MIA3: variants seen among roughly 807,000 people sequenced by gnomAD.
MIA3 encodes the protein transport and Golgi organization protein 1 homolog.
MIA3 carries 90 observed loss-of-function variants against 192.4 expected under a neutral mutation model. That is an observed-to-expected ratio of 0.47 (90% CI 0.39 to 0.56). The LOEUF (loss-of-function observed/expected upper bound fraction) is 0.56, where lower values mean the gene tolerates loss of function less well. MIA3 is among the 20% of genes least tolerant of loss of function. MIA3 has a pLI of 0.00. For missense variants in MIA3, 2,123 were observed against 2,269.4 expected, an observed-to-expected ratio of 0.94 and a Z score of 1.31; for synonymous variants, 740 against 792.8, an observed-to-expected ratio of 0.93 and a Z score of 1.12.
At chr1:222,665,224 A>AAT in intron 27 of MIA3, 85 bp from the exon 28 acceptor site, 1 of 676,364 alleles carries the variant, frequency 1.5e-6, no homozygotes, top group Non-Finnish European at 2.5e-6. Context: ...AAAAAAAAGG[A>AAT]TGACAGACTA....
Position 222,628,763 on chromosome 1 carries a change from GAC to G in MIA3, c.1547_1548del (p.Thr516IlefsTer6). On this transcript the variant is annotated frameshift_variant, in exon 4 of 28. Coordinates refer to ENST00000344922, the MANE Select transcript of MIA3 (RefSeq NM_198551.4). LOFTEE classifies it high-confidence loss of function. The part of the protein sequence containing the change: ...NSMPAAEKGK[D>X]TLKSAYDDTE... ...TATGCCAGCTGCTGAAAAGGGTAAA[GAC>G]ACATTAAAATCAGCTTATGATGATA... is the stretch of plus-strand genomic sequence containing the variant. The G allele has an allele frequency of 1.2e-6, 2 of 1,614,072 alleles. No individual in the cohort carries two copies. The highest frequency in any genetic ancestry group is 1.7e-6 in the Non-Finnish European group (2 of 1,180,018).
At chr1:222,656,762 T>A (rs965448162) in intron 18 of MIA3, among the ~76,000 whole-genome samples, 2 of 152,210 alleles carry the variant, frequency 1.3e-5, no homozygotes, top group Non-Finnish European at 2.9e-5. Flanking sequence ...TCCTACATTC[T>A]GAATATGCTT....
At chr1:222,620,734 G>A (rs1216812951) in intron 1 of MIA3, among the ~76,000 whole-genome samples, 1 of 152,206 alleles carries the variant, frequency 6.6e-6, no homozygotes, top group Non-Finnish European at 1.5e-5. Flanking sequence ...ACCCGTTCAT[G>A]TAGCCATGCT....
At chr1:222,637,783 C>T (rs1662696041) in intron 6 of MIA3, among the ~76,000 whole-genome samples, 2 of 150,440 alleles carry the variant, frequency 1.3e-5, no homozygotes, top group Admixed American at 6.6e-5. Flanking sequence ...CTCGACCTCT[C>T]TGGGCTCAGG....
chr1:222,648,587 A>G (rs1663266139), intron 7 of MIA3, among the ~76,000 whole-genome samples: 2 of 152,240 alleles, frequency 1.3e-5, no homozygotes, highest in South Asian at 4.1e-4. Flanking sequence ...ACATATCTTT[A>G]GCTGTGCAAA....
At chr1:222,623,268 ATG>A (rs1661958041) in intron 2 of MIA3, among the ~76,000 whole-genome samples, 1 of 145,796 alleles carries the variant, frequency 6.9e-6, no homozygotes, top group South Asian at 2.1e-4. Context: ...ATGTGAGCCT[ATG>A]TTTTTTTTTT....
At position 222,629,185 on chromosome 1, in the gene MIA3, T is replaced by C. The variant is rs1558176099; in HGVS notation, c.1965T>C (p.Leu655=). ...AGGTTCCCATTCTGGGAAGAAATCT[T>C]CCCTGGCAACAAGAAAGAGATGTGG... ...EDEVPILGRN[L]PWQQERDVAA... is the part of the protein sequence containing the mutation. Residue 655 remains leucine, a synonymous_variant, in exon 4 of 28, where the codon CTT becomes CTC. Coordinates refer to ENST00000344922, the MANE Select transcript of MIA3 (RefSeq NM_198551.4). The C allele has an allele frequency of 6.2e-7, 1 of 1,614,102 alleles. No individual in the cohort carries two copies. Among genetic ancestry groups the C allele is most frequent in the Non-Finnish European group, 8.5e-7 (1 of 1,180,008 alleles).
rs1443650440 is a variant in MIA3, at chr1:222,627,703, T to A, written c.483T>A (p.Thr161=). The change falls in exon 4 of 28, where the codon ACT becomes ACA. Residue 161 remains threonine (T), a synonymous_variant. Coordinates refer to ENST00000344922, the MANE Select transcript of MIA3 (RefSeq NM_198551.4). ...ATDSEKAVEK[T]LQDMEKNPEL... ...ATTCTGAGAAAGCTGTAGAAAAAAC[T>A]TTACAGGATATGGAAAAAAACCCTG... The A allele has an allele frequency of 6.2e-7, 1 of 1,613,678 alleles. No homozygotes were observed. Among genetic ancestry groups the A allele is most frequent in the Non-Finnish European group, 8.5e-7 (1 of 1,179,960 alleles).
rs1331998011 is a variant in MIA3, at chr1:222,654,449, G to T, written c.4438G>T (p.Ala1480Ser). The part of the protein sequence containing the change: ...DLKLLQLKLR[A>S]SVSTKCNLED... Reference sequence around the variant, plus strand: ...AAAGCTTTTACAGCTTAAGCTAAGAGCCTCCGTGTCCACTAAATGTAACCT... The same window carrying T: ...AAAGCTTTTACAGCTTAAGCTAAGATCCTCCGTGTCCACTAAATGTAACCT... The change falls in exon 17 of 28, where the codon GCC becomes TCC. Residue 1480 changes from alanine to serine, a missense_variant. Ala to Ser is a moderately conservative substitution (Grantham distance 99). Coordinates refer to ENST00000344922, the MANE Select transcript of MIA3 (RefSeq NM_198551.4). 2 of 1,613,624 alleles carry T rather than the reference G, an allele frequency of 1.2e-6. No homozygotes were observed. Among genetic ancestry groups the T allele is most frequent in the Non-Finnish European group, 1.7e-6 (2 of 1,179,848 alleles).
chr1:222,644,393 T>TTCCGGAGGAGGAAGC, intron 6 of MIA3: 1 of 1,536,096 alleles, frequency 6.5e-7, no homozygotes, highest in Non-Finnish European at 8.8e-7. Context: ...ATTGGGGCCT[T>TTCCGGAGGAGGAAGC]TCCGGAGGAG....
chr1:222,629,016 C>A lies in MIA3; in HGVS notation c.1796C>A (p.Ala599Asp). 6.2e-7 allele frequency: 1 copy of A among 1,614,188 alleles called. No homozygotes were observed. The highest frequency in any genetic ancestry group is 1.1e-5 in the South Asian group (1 of 91,088). The change falls in exon 4 of 28, where the codon GCT becomes GAT. Residue 599 changes from alanine to aspartate, a missense_variant. Around this residue, in one of 3 missense-constraint regions of MIA3, gnomAD observed 1,357 missense variants for 1,396.1 expected, o/e 0.97. Transcript: ENST00000344922. The stretch of plus-strand genomic sequence containing the variant: ...TCCAGAGACAGTGTGGAGGGAGACG[C>A]TTTGGTAAATGGGGCCAAACTGCAC... ...NASRDSVEGD[A>D]LVNGAKLHTL... is the part of the protein sequence containing the mutation.
chr1:222,632,162 T>G lies in MIA3; in HGVS notation c.3170-3T>G. ...CTAGCCCAGTGTATTCTTCTCACCC[T>G]AGAGATGCAACCACTGCATGAAGAT... On this transcript the variant is annotated splice_polypyrimidine_tract_variant and splice_region_variant and intron_variant, in intron 4 of 27. Coordinates refer to ENST00000344922, the MANE Select transcript of MIA3 (RefSeq NM_198551.4). 6.2e-7 allele frequency: 1 copy of G among 1,613,830 alleles called. No individual in the cohort carries two copies. The highest frequency in any genetic ancestry group is 8.5e-7 in the Non-Finnish European group (1 of 1,179,790).
intron 22 of MIA3, 39 bp from the exon 23 acceptor site, chr1:222,659,867 A>G (rs778678180): frequency 1.0e-5 from 16 of 1,603,478 alleles, no homozygotes; most frequent in Non-Finnish European, 1.4e-5. Context: ...TCTATTTCAT[A>G]TTTAACTCTT....
intron 6 of MIA3, among the ~76,000 whole-genome samples, chr1:222,636,902 G>A (rs1023158165): frequency 2.0e-5 from 3 of 152,120 alleles, no homozygotes; most frequent in African/African-American, 4.8e-5. Context: ...TGCAAGATTG[G>A]TGTACTCTGC....
rs1382834456 is a variant in MIA3, at chr1:222,660,021, T to C, written c.4975+15T>C. On this transcript the variant is annotated intron_variant, in intron 23 of 27. Coordinates refer to ENST00000344922, the MANE Select transcript of MIA3 (RefSeq NM_198551.4). ...TCCACGGAGAGGTAAGGGAGCTACC[T>C]TGTAAAGGGCAACAATCTGTTTTTT... 1.9e-6 allele frequency: 3 copies of C among 1,601,660 alleles called. No homozygotes were observed. The African/African-American group carries it at 4.0e-5, about 22-fold the overall frequency.
chr1:222,638,048 G>A (rs578142639), intron 6 of MIA3, among the ~76,000 whole-genome samples: 46 of 152,178 alleles, frequency 3.0e-4, no homozygotes, highest in African/African-American at 9.9e-4. Flanking sequence ...CTCAATAACT[G>A]ATAGAATAGG....
At chr1:222,659,182 G>A in intron 19 of MIA3, 1 of 468,778 alleles carries the variant, frequency 2.1e-6, no homozygotes, top group Non-Finnish European at 3.8e-6. Flanking sequence ...TATAGTGGAA[G>A]ATATTAATAA....
At chr1:222,646,812 A>G (rs1663170846) in intron 7 of MIA3, among the ~76,000 whole-genome samples, 1 of 152,204 alleles carries the variant, frequency 6.6e-6, no homozygotes, top group Non-Finnish European at 1.5e-5. Context: ...GACACAACCT[A>G]CTGTGATTCA....
chr1:222,628,779 C>T lies in MIA3; in HGVS notation c.1559C>T (p.Ala520Val). The stretch of plus-strand genomic sequence containing the variant: ...AAGGGTAAAGACACATTAAAATCAG[C>T]TTATGATGATACAGAAAATGACCTA... ...AEKGKDTLKS[A>V]YDDTENDLKG... The change falls in exon 4 of 28, where the codon GCT (alanine) becomes GTT (valine). Residue 520 changes from alanine to valine, a missense_variant. By Grantham distance (64) the Ala-to-Val change is moderately conservative. Transcript: ENST00000344922. 6.2e-7 allele frequency: 1 copy of T among 1,614,076 alleles called. No individual in the cohort carries two copies. The highest frequency in any genetic ancestry group is 8.5e-7 in the Non-Finnish European group (1 of 1,180,030).
Sources: gnomAD v4.1 joint callset for allele counts (sites outside exome capture counted in the v4.1 genomes callset) on GRCh38, gnomAD v4.1.1 for gene constraint, gnomAD v4.1.1 regional missense constraint, MANE v1.5 for transcripts, NCBI Gene and HGNC (gene_info 2026-07-23, HGNC 2026-07-21) for gene names.